The following SFXN5 variants were observed in gnomAD, a reference collection of about 807,000 sequenced individuals.
SFXN5 encodes sideroflexin 5.
SFXN5 carries 43 observed loss-of-function variants against 50.2 expected under a neutral mutation model. That is an observed-to-expected ratio of 0.86 (90% CI 0.67 to 1.11). The LOEUF (loss-of-function observed/expected upper bound fraction) is 1.11. Among genes scored for constraint, SFXN5 ranks in the 50% least tolerant of loss-of-function variants. The pLI is 0.00. For synonymous variants in SFXN5, 203 were observed against 185.8 expected (o/e 1.09, Z -0.75); for missense variants, 463 against 454.1 (o/e 1.02, Z -0.18).
At chr2:73,044,621 G>C (rs1335109042) in intron 2 of SFXN5, 3 of 152,696 alleles carry the variant, frequency 2.0e-5, no homozygotes, top group Non-Finnish European at 4.4e-5. Context: ...TTGGTGGCAG[G>C]GTGAACTCCG....
At chr2:73,052,539 T>C (rs1340008048) in intron 2 of SFXN5, among the ~76,000 whole-genome samples, 2 of 152,170 alleles carry the variant, frequency 1.3e-5, no homozygotes, top group Non-Finnish European at 2.9e-5. Context: ...TCCTATAATA[T>C]ACCCCAAATA....
intron 1 of SFXN5, chr2:73,071,295 G>C (rs1414657081): frequency 7.7e-6 from 3 of 388,732 alleles, no homozygotes; most frequent in Admixed American, 9.2e-5. Flanking sequence ...TCGAAGCCGG[G>C]CGCTCGGGAC....
In SFXN5 at chr2:73,023,185, T is replaced by A; in HGVS notation, c.276+3A>T. 6.2e-7 allele frequency: 1 copy of A among 1,602,978 alleles called. No individual in the cohort carries two copies. The highest frequency in any genetic ancestry group is 8.5e-7 in the Non-Finnish European group (1 of 1,174,066). ...GGAAATAGAGAATCCAAAACTGGAT[T>A]ACCTGCTTGATTTTCTGTGCACTCC... On this transcript the variant is annotated splice_donor_region_variant and intron_variant, in intron 4 of 13. Coordinates refer to ENST00000272433, the MANE Select transcript of SFXN5 (RefSeq NM_144579.3).
At chr2:72,956,163 C>G (rs563642385) in intron 13 of SFXN5, among the ~76,000 whole-genome samples, 1 of 152,214 alleles carries the variant, frequency 6.6e-6, no homozygotes, top group Admixed American at 6.5e-5. Context: ...GGCAGGCCTA[C>G]AGCAGTAACC....
rs79464914 is a variant in SFXN5, at chr2:72,963,568, A to T, written c.828-2320T>A. Among the ~76,000 whole-genome samples the T allele has an allele frequency of 2.2e-3, 330 of 151,826 alleles. 2 individuals are homozygous for T. The highest frequency in any genetic ancestry group is 7.6e-3 in the African/African-American group (314 of 41,450). On this transcript the variant is annotated intron_variant, in intron 12 of 13. Transcript: ENST00000272433. ...GGGGGAGGAAAATGGCAAGGAGGGA[A>T]GGGAAAGGCAGCTGGGGGAGTTAAA... is the stretch of plus-strand genomic sequence containing the variant.
chr2:73,025,515 T>C (rs1677449170), intron 3 of SFXN5, among the ~76,000 whole-genome samples: 1 of 152,226 alleles, frequency 6.6e-6, no homozygotes, highest in Non-Finnish European at 1.5e-5. Context: ...GTGAAGCCAA[T>C]GCACAGTGTC....
At position 72,950,056 on chromosome 2, in the gene SFXN5, C is replaced by T. The variant is rs141807340; in HGVS notation, c.946-4957G>A. Among the ~76,000 whole-genome samples the T allele has an allele frequency of 2.2e-3, 327 of 150,992 alleles. 2 individuals carry two copies. Among genetic ancestry groups the T allele is most frequent in the African/African-American group, 7.5e-3 (309 of 41,044 alleles). On this transcript the variant is annotated intron_variant, in intron 13 of 13. Coordinates refer to ENST00000272433, the MANE Select transcript of SFXN5 (RefSeq NM_144579.3). The surrounding 1 kb of genome is among the most constrained non-coding windows in gnomAD (Gnocchi z 4.2). Reference sequence around the variant, plus strand: ...GGAGCTCTGGGCAGGAGAAAGCGCCCGGGATGTGTGAGCATAGCCAGATCC... The same window carrying T: ...GGAGCTCTGGGCAGGAGAAAGCGCCTGGGATGTGTGAGCATAGCCAGATCC...
intron 10 of SFXN5, among the ~76,000 whole-genome samples, chr2:72,981,495 G>A (rs944239060): frequency 6.6e-6 from 1 of 152,134 alleles, no homozygotes; most frequent in Admixed American, 6.5e-5. Context: ...AGATCCTGGT[G>A]CTCTTGCCCA....
intron 9 of SFXN5, among the ~76,000 whole-genome samples, chr2:72,991,867 C>T (rs966188424): frequency 6.6e-6 from 1 of 152,174 alleles, no homozygotes; most frequent in African/African-American, 2.4e-5. Flanking sequence ...TAATCGGGTT[C>T]AGGAAAGATA....
chr2:73,012,385 T>C (rs1032857142), intron 6 of SFXN5, among the ~76,000 whole-genome samples: 2 of 152,132 alleles, frequency 1.3e-5, no homozygotes, highest in Admixed American at 1.3e-4. Context: ...AACATATTCA[T>C]GTATTACTTG....
chr2:73,063,212 T>C (rs1184432386), intron 1 of SFXN5, among the ~76,000 whole-genome samples: 3 of 152,146 alleles, frequency 2.0e-5, no homozygotes, highest in African/African-American at 7.2e-5. Flanking sequence ...AGCAAACATT[T>C]GGACTGAGAT....
At chr2:73,058,484 G>T in intron 2 of SFXN5, 44 bp downstream of exon 2, 2 of 1,571,398 alleles carry the variant, frequency 1.3e-6, no homozygotes, top group Non-Finnish European at 1.8e-6. Context: ...GAAATGACAA[G>T]GTACAAAGGC....
At chr2:73,000,309 C>A in intron 8 of SFXN5, 122 bp downstream of exon 8, 2 of 913,826 alleles carry the variant, frequency 2.2e-6, no homozygotes, top group Non-Finnish European at 1.7e-6. Flanking sequence ...AATAAGATAT[C>A]TAGAGGAGGG....
intron 6 of SFXN5, among the ~76,000 whole-genome samples, chr2:73,007,141 G>A (rs1294386323): frequency 1.3e-5 from 2 of 152,144 alleles, no homozygotes; most frequent in Non-Finnish European, 2.9e-5. Context: ...GAGGGGTAAG[G>A]CCACTGCCAC....
Position 73,024,326 on chromosome 2 carries a change from C to A in SFXN5, c.250-1112G>T, listed in dbSNP as rs111340045. On this transcript the variant is annotated intron_variant, in intron 3 of 13. Transcript: ENST00000272433. ...TGTGAGCCACCATGCCCAGCCCAGG[C>A]CTTTTCAAATCAAGGAAACATGGCA... 2.6e-3 allele frequency among the ~76,000 whole-genome samples: 398 copies of A among 152,222 alleles called. 1 individual carries two copies. The highest frequency in any genetic ancestry group is 9.3e-3 in the African/African-American group (386 of 41,540).
intron 2 of SFXN5, among the ~76,000 whole-genome samples, chr2:73,056,484 A>G (rs1682144747): frequency 6.6e-6 from 1 of 152,060 alleles, no homozygotes; most frequent in African/African-American, 2.4e-5. Context: ...TTGAGAGTTC[A>G]AGACCAGCCT....
At chr2:73,048,045 T>C (rs1256545501) in intron 2 of SFXN5, among the ~76,000 whole-genome samples, 1 of 152,248 alleles carries the variant, frequency 6.6e-6, no homozygotes, top group East Asian at 1.9e-4. Flanking sequence ...ACTGCTCATA[T>C]ACTCATAGGT....
intron 2 of SFXN5, among the ~76,000 whole-genome samples, chr2:73,044,245 C>A (rs974128556): frequency 6.6e-6 from 1 of 152,200 alleles, no homozygotes; most frequent in Non-Finnish European, 1.5e-5. Context: ...GCATGGGTTG[C>A]GGGAGAACAA....
chr2:73,059,276 C>G, intron 1 of SFXN5: 1 of 985,732 alleles, frequency 1.0e-6, no homozygotes, highest in Non-Finnish European at 1.2e-6. Context: ...GCCTTCTGCC[C>G]TGGGGACTAA....
Sources: gnomAD v4.1 joint callset for allele counts (sites outside exome capture counted in the v4.1 genomes callset) on GRCh38, gnomAD v4.1.1 for gene constraint, Gnocchi (gnomAD v3.1) non-coding constraint, MANE v1.5 for transcripts, NCBI Gene and HGNC (gene_info 2026-07-23, HGNC 2026-07-21) for gene names.